TET2: variants seen among roughly 807,000 people sequenced by gnomAD.
The protein encoded by TET2 is tet methylcytosine dioxygenase 2, also known as methylcytosine dioxygenase TET2.
In TET2, 299 loss-of-function variants were observed where a neutral mutation model predicts 142.9. That is an observed-to-expected ratio of 2.09 (90% CI 1.90 to 2.30). The LOEUF (loss-of-function observed/expected upper bound fraction) is 2.30, where lower values mean the gene tolerates loss of function less well. Among genes scored for constraint, TET2 ranks in the 30% most tolerant of loss-of-function variants. The pLI is 0.00. For synonymous variants in TET2, 819 were observed against 849.0 expected, an observed-to-expected ratio of 0.96 and a Z score of 0.61; for missense variants, 2,418 against 2,378.0, an observed-to-expected ratio of 1.02 and a Z score of -0.35.
At position 105,236,494 on chromosome 4, in the gene TET2, C is replaced by G. The variant is rs897699610; in HGVS notation, c.2552C>G (p.Pro851Arg). Residue 851 changes from proline to arginine, a missense_variant, in exon 3 of 11, where the codon CCT (proline) becomes CGT (arginine). By Grantham distance (103) the Pro-to-Arg change is moderately radical. Transcript: ENST00000380013. ...GAGAATAAAGAACAGACTACACATCCTGAACTTTTTGCAGGAAACAAGACC... is the reference window on the plus strand; with the variant it reads ...GAGAATAAAGAACAGACTACACATCGTGAACTTTTTGCAGGAAACAAGACC... ...VSENKEQTTH[P>R]ELFAGNKTQN... is the part of the protein sequence containing the mutation. 7 of 1,613,938 alleles carry G rather than the reference C, an allele frequency of 4.3e-6. No homozygotes were observed. The highest frequency in any genetic ancestry group is 1.3e-5 in the African/African-American group (1 of 74,918).
chr4:105,229,171 T>C (rs1278341582), intron 2 of TET2, among the ~76,000 whole-genome samples: 3 of 152,228 alleles, frequency 2.0e-5, no homozygotes, highest in Non-Finnish European at 4.4e-5. Context: ...CAATTTGGAC[T>C]AGACACATTT....
At chr4:105,210,052 G>A (rs928471191) in intron 2 of TET2, among the ~76,000 whole-genome samples, 1 of 152,180 alleles carries the variant, frequency 6.6e-6, no homozygotes, top group African/African-American at 2.4e-5. Context: ...TTAAGTAACT[G>A]CGTGGATGAT....
Position 105,275,754 on chromosome 4 carries a change from C to T in TET2, c.5244C>T (p.Asn1748=), listed in dbSNP as rs748336125. Residue 1748 remains asparagine, a synonymous_variant, in exon 11 of 11, where the codon AAC becomes AAT. Transcript: ENST00000380013. The part of the protein sequence containing the change: ...SRLPPNLSNP[N]MDYKNGEHHS... ...TACCACCCAATCTGAGCAATCCAAACATGGACTATAAAAATGGTGAACATC... is the reference window on the plus strand; with the variant it reads ...TACCACCCAATCTGAGCAATCCAAATATGGACTATAAAAATGGTGAACATC... 6.4e-7 allele frequency: 1 copy of T among 1,551,782 alleles called. No homozygotes were observed. The highest frequency in any genetic ancestry group is 1.2e-5 in the South Asian group (1 of 84,064).
At chr4:105,175,969 TC>T (rs1388340082) in intron 1 of TET2, among the ~76,000 whole-genome samples, 4 of 152,132 alleles carry the variant, frequency 2.6e-5, no homozygotes, top group African/African-American at 9.7e-5. Flanking sequence ...TGCAAAATTG[TC>T]CTTCAGAAGT....
chr4:105,253,916 C>T (rs1038646141), intron 6 of TET2, among the ~76,000 whole-genome samples: 4 of 152,136 alleles, frequency 2.6e-5, no homozygotes, highest in African/African-American at 7.2e-5. Context: ...TTTTTTTCCA[C>T]CTATTGATAT....
At position 105,275,727 on chromosome 4, in the gene TET2, A is replaced by T; in HGVS notation, c.5217A>T (p.Arg1739Ser). ...GCCACTTCATGGGAGCCACCTCTAG[A>T]TTACCACCCAATCTGAGCAATCCAA... is the stretch of plus-strand genomic sequence containing the variant. ...MDGHFMGATS[R>S]LPPNLSNPNM... Residue 1739 changes from arginine (R) to serine (S), a missense_variant, in exon 11 of 11, where the codon AGA becomes AGT. Arg to Ser is a moderately radical substitution (Grantham distance 110, BLOSUM62 -1). Transcript: ENST00000380013. 6.4e-7 allele frequency: 1 copy of T among 1,551,806 alleles called. No homozygotes were observed. The highest frequency in any genetic ancestry group is 8.7e-7 in the Non-Finnish European group (1 of 1,146,996).
Position 105,272,896 on chromosome 4 carries a change from A to C in TET2, c.4515A>C (p.Ala1505=). 1 of 1,541,776 alleles carries C rather than the reference A, an allele frequency of 6.5e-7. No individual in the cohort carries two copies. Among genetic ancestry groups the C allele is most frequent in the Non-Finnish European group, 8.7e-7 (1 of 1,143,490 alleles). ...CACGTACAAAACAAACTGAAAACGC[A>C]AGCCAGGCTAAACAGTTGGCAGGTA... ...APSRTKQTEN[A]SQAKQLAELL... The change falls in exon 10 of 11, where the codon GCA becomes GCC. Residue 1505 remains alanine, a synonymous_variant. Transcript: ENST00000380013.
intron 3 of TET2, chr4:105,237,842 G>A: frequency 1.8e-6 from 2 of 1,085,872 alleles, no homozygotes; most frequent in East Asian, 5.7e-5. Flanking sequence ...ATGAGTTGGG[G>A]GAAATGATAA....
At position 105,259,772 on chromosome 4, in the gene TET2, T is replaced by G. The variant is rs555969001; in HGVS notation, c.3954+3T>G. ...TGCTTGGGGATGACCCAAAAGAGGT[T>G]TGTTTACTTCCTGATGTATAATCGC... is the stretch of plus-strand genomic sequence containing the variant. On this transcript the variant is annotated splice_donor_region_variant and intron_variant, in intron 7 of 10. Coordinates refer to ENST00000380013, the MANE Select transcript of TET2 (RefSeq NM_001127208.3). 329 of 1,549,922 alleles carry G rather than the reference T, an allele frequency of 2.1e-4. No homozygotes were observed. Among genetic ancestry groups the G allele is most frequent in the Middle Eastern group, 1.0e-3 (6 of 5,890 alleles).
rs192439174 is a variant in TET2, at chr4:105,195,685, T to C, written c.-47+5180T>C. On this transcript the variant is annotated intron_variant, in intron 2 of 10. Transcript: ENST00000380013. ...GAATAGTGACAAGAAAATTAATCTG[T>C]ACATGTTCATTACAAACACAGCAAT... Among the ~76,000 whole-genome samples, 57 of 150,572 alleles carry C rather than the reference T, an allele frequency of 3.8e-4. No individual in the cohort carries two copies. In the East Asian group the frequency reaches 0.011, roughly 28 times the overall value.
In TET2 at chr4:105,235,468, C is replaced by G. The variant is rs771408533; in HGVS notation, c.1526C>G (p.Ser509Ter). ...TGTTCTGAGAAAACAAGACCAATGTCAGAACACCTCAAGCATAACCCACCA... is the reference window on the plus strand; with the variant it reads ...TGTTCTGAGAAAACAAGACCAATGTGAGAACACCTCAAGCATAACCCACCA... ...PLCSEKTRPM[S>*]EHLKHNPPIF... is the part of the protein sequence containing the mutation. The change falls in exon 3 of 11, where the codon TCA becomes TGA. Residue 509 changes from serine (S) to a stop codon, truncating the protein, a stop_gained. Transcript: ENST00000380013. LOFTEE classifies it high-confidence loss of function. 3 of 1,614,130 alleles carry G rather than the reference C, an allele frequency of 1.9e-6. No individual in the cohort carries two copies. Among genetic ancestry groups the G allele is most frequent in the Admixed American group, 1.7e-5 (1 of 60,008 alleles).
chr4:105,187,567 T>C (rs1273539527), intron 1 of TET2, among the ~76,000 whole-genome samples: 1 of 152,250 alleles, frequency 6.6e-6, no homozygotes, highest in African/African-American at 2.4e-5. Flanking sequence ...TTTATCTCAT[T>C]AGTAGCATCA....
At position 105,275,035 on chromosome 4, in the gene TET2, A is replaced by T. The variant is rs1230424094; in HGVS notation, c.4538-13A>T. On this transcript the variant is annotated splice_polypyrimidine_tract_variant and intron_variant, in intron 10 of 10. Coordinates refer to ENST00000380013, the MANE Select transcript of TET2 (RefSeq NM_001127208.3). ...AAGATACCTGTTTCTGTTCTCTCTTACCCTGTCCACAGAACTTTTGCGACT... is the reference window on the plus strand; with the variant it reads ...AAGATACCTGTTTCTGTTCTCTCTTTCCCTGTCCACAGAACTTTTGCGACT... 7 of 1,511,978 alleles carry T rather than the reference A, an allele frequency of 4.6e-6. No individual in the cohort carries two copies. The African/African-American group carries it at 5.6e-5, about 12-fold the overall frequency. The allele number at this position is 1,511,978 out of a possible 1,614,324, so 93.7% of individuals were successfully genotyped here.
intron 6 of TET2, among the ~76,000 whole-genome samples, chr4:105,255,810 T>A (rs565468519): frequency 2.1e-4 from 32 of 152,188 alleles, no homozygotes; most frequent in African/African-American, 7.7e-4. Context: ...AACATAATTA[T>A]TGATAAGGTA....
chr4:105,269,666 A>G lies in TET2; in HGVS notation c.4101A>G (p.Pro1367=), dbSNP rs1399430714. ...ECRLGLKEGR[P]FSGVTACLDF... is the part of the protein sequence containing the mutation. The stretch of plus-strand genomic sequence containing the variant: ...GTCTGGGTCTGAAGGAAGGCCGTCC[A>G]TTCTCAGGGGTCACTGCATGTTTGG... Residue 1367 remains proline, a synonymous_variant, in exon 9 of 11, where the codon CCA becomes CCG. Coordinates refer to ENST00000380013, the MANE Select transcript of TET2 (RefSeq NM_001127208.3). 1 of 1,551,692 alleles carries G rather than the reference A, an allele frequency of 6.4e-7. No homozygotes were observed. Among genetic ancestry groups the G allele is most frequent in the Admixed American group, 2.0e-5 (1 of 51,008 alleles).
intron 1 of TET2, among the ~76,000 whole-genome samples, chr4:105,159,045 A>G (rs1267947632): frequency 1.3e-5 from 2 of 152,046 alleles, no homozygotes; most frequent in African/African-American, 2.4e-5. Flanking sequence ...CTTATGTAAC[A>G]GTGGAGAGAG....
At position 105,236,431 on chromosome 4, in the gene TET2, T is replaced by TA. The variant is rs764091851; in HGVS notation, c.2490dup (p.Gln831ThrfsTer15). The TA allele has an allele frequency of 6.2e-7, 1 of 1,614,012 alleles. No homozygotes were observed. Among genetic ancestry groups the TA allele is most frequent in the Non-Finnish European group, 8.5e-7 (1 of 1,179,976 alleles). Reference sequence around the variant, plus strand: ...ACCATGAAATCAAGTGCATGCAAAATACAGGTTTCTTGTTCAAACAATACA... The same window carrying TA: ...ACCATGAAATCAAGTGCATGCAAAATAACAGGTTTCTTGTTCAAACAATACA... On this transcript the variant is annotated frameshift_variant, in exon 3 of 11. Transcript: ENST00000380013. LOFTEE classifies it high-confidence loss of function.
intron 2 of TET2, among the ~76,000 whole-genome samples, chr4:105,197,961 T>C (rs1040938363): frequency 3.9e-5 from 6 of 152,194 alleles, no homozygotes; most frequent in Non-Finnish European, 7.4e-5. Flanking sequence ...AGAATTACTA[T>C]GATGTTTATT....
chr4:105,153,522 A>G (rs1453779589), intron 1 of TET2, among the ~76,000 whole-genome samples: 1 of 152,250 alleles, frequency 6.6e-6, no homozygotes, highest in Non-Finnish European at 1.5e-5. Flanking sequence ...TATGTTAAAA[A>G]TATTTTAAGT....
Sources: gnomAD v4.1 joint callset for allele counts (sites outside exome capture counted in the v4.1 genomes callset) on GRCh38, gnomAD v4.1.1 for gene constraint, MANE v1.5 for transcripts, NCBI Gene and HGNC (gene_info 2026-07-23, HGNC 2026-07-21) for gene names.